BAIAP3: variants seen among roughly 807,000 people sequenced by gnomAD.
BAIAP3 encodes the protein BAI1-associated protein 3.
BAIAP3 carries 180 observed loss-of-function variants against 149.7 expected under a neutral mutation model. The observed-to-expected ratio is 1.20, with a 90% CI of 1.07 to 1.36. BAIAP3 has a LOEUF of 1.36. BAIAP3 is among the 40% of genes most tolerant of loss of function. The pLI is 0.00. For synonymous variants in BAIAP3, 845 were observed against 670.7 expected (o/e 1.26, Z -4.02); for missense variants, 1,767 against 1,563.4 (o/e 1.13, Z -2.20).
chr16:1,339,721 GCA>G (rs1165601030), intron 5 of BAIAP3, 118 bp downstream of exon 5: 4 of 837,162 alleles, frequency 4.8e-6, no homozygotes, highest in South Asian at 1.6e-5. Context: ...TCCGTGCACA[GCA>G]CACAGAGACG....
At chr16:1,340,527 GAC>G (rs1363741246) in intron 5 of BAIAP3, among the ~76,000 whole-genome samples, 4 of 125,838 alleles carry the variant, frequency 3.2e-5, no homozygotes, top group Non-Finnish European at 5.1e-5. Context: ...GGTGCACACA[GAC>G]ACGCACACAC....
Position 1,348,366 on chromosome 16 carries a change from G to A in BAIAP3, c.3356-13G>A, listed in dbSNP as rs757344077. 41 of 1,611,142 alleles carry A rather than the reference G, an allele frequency of 2.5e-5. No individual in the cohort carries two copies. Among genetic ancestry groups the A allele is most frequent in the East Asian group, 8.9e-5 (4 of 44,824 alleles). On this transcript the variant is annotated splice_polypyrimidine_tract_variant and intron_variant, in intron 33 of 33. Transcript: ENST00000426824. ...GACCCCGGCCCCCACACACCTGCCCGCGCTGCTTGCAGTGAGATCTGCGCT... is the reference window on the plus strand; with the variant it reads ...GACCCCGGCCCCCACACACCTGCCCACGCTGCTTGCAGTGAGATCTGCGCT...
At chr16:1,339,092 C>T in intron 3 of BAIAP3, 72 bp from the exon 4 acceptor site, 2 of 1,589,956 alleles carry the variant, frequency 1.3e-6, no homozygotes, top group Non-Finnish European at 8.6e-7. Context: ...CCTGGGGCAC[C>T]ACCTGTCTTC....
intron 1 of BAIAP3, chr16:1,334,904 T>A: frequency 1.3e-6 from 1 of 751,622 alleles, no homozygotes; most frequent in Non-Finnish European, 2.2e-6. Flanking sequence ...TCCTGCCACC[T>A]CCCGCCCCAG....
chr16:1,335,958 C>A (rs982056892), intron 1 of BAIAP3, among the ~76,000 whole-genome samples: 1 of 152,210 alleles, frequency 6.6e-6, no homozygotes, highest in Non-Finnish European at 1.5e-5. Flanking sequence ...GCACCCCTCT[C>A]GGGCCGCTCT....
chr16:1,339,803 G>A (rs57302381), intron 5 of BAIAP3, among the ~76,000 whole-genome samples, 200 bp downstream of exon 5: 1 of 142,456 alleles, frequency 7.0e-6, no homozygotes, highest in South Asian at 2.2e-4. Flanking sequence ...CAGGCTGCAG[G>A]TGCACACAGA....
rs11642118 is a variant in BAIAP3, at chr16:1,338,617, G to A, written c.68G>A (p.Arg23His). The A allele has an allele frequency of 0.018, 28,575 of 1,601,456 alleles. 312 individuals carry two copies. Among genetic ancestry groups the A allele is most frequent in the Non-Finnish European group, 0.021 (24,337 of 1,175,204 alleles). The change falls in exon 2 of 34, where the codon CGC becomes CAC. Residue 23 changes from arginine (R) to histidine (H), a missense_variant. Arg to His is a conservative substitution (Grantham distance 29). Transcript: ENST00000426824. The part of the protein sequence containing the change: ...RQVQVCPSFR[R>H]RTEQDPGSAS... ...GTGCAGGTGTGCCCGTCCTTCCGCCGCAGGACTGAGCAGGACCCAGGGAGT... is the reference window on the plus strand; with the variant it reads ...GTGCAGGTGTGCCCGTCCTTCCGCCACAGGACTGAGCAGGACCCAGGGAGT...
Position 1,344,625 on chromosome 16 carries a change from C to G in BAIAP3, c.1684C>G (p.Leu562Val), listed in dbSNP as rs781117833. ...GCCAGGACCACAGCGCCTGCCTGGG[C>G]TGGTTGTGCTGGCTGACGCCGTCTA... ...EQPGPQRLPGLVVLADAVYDD... is the reference protein window; with the variant it reads ...EQPGPQRLPGVVVLADAVYDD... Residue 562 changes from leucine to valine, a missense_variant, in exon 19 of 34, where the codon CTG becomes GTG. Transcript: ENST00000426824. 2 of 1,613,368 alleles carry G rather than the reference C, an allele frequency of 1.2e-6. No homozygotes were observed. Among genetic ancestry groups the G allele is most frequent in the Non-Finnish European group, 1.7e-6 (2 of 1,180,036 alleles).
Position 1,346,742 on chromosome 16 carries a change from G to A in BAIAP3, c.2642+58G>A. The A allele has an allele frequency of 2.6e-6, 4 of 1,531,408 alleles. No homozygotes were observed. In the South Asian group the frequency reaches 4.8e-5, roughly 18 times the overall value. The allele number at this position is 1,531,408 out of a possible 1,614,324, so 94.9% of individuals were successfully genotyped here. A position where few individuals can be genotyped will look rare whatever the true frequency, so the allele number is the denominator to read the frequency against. Reference sequence around the variant, plus strand: ...GGCCCGTGGTCACTGAGGCCGCCCTGCAGGGTGCCGGAGGCCCTGTGGGAG... The same window carrying A: ...GGCCCGTGGTCACTGAGGCCGCCCTACAGGGTGCCGGAGGCCCTGTGGGAG... On this transcript the variant is annotated intron_variant, in intron 27 of 33. Transcript: ENST00000426824.
At chr16:1,339,276 G>A (rs1195661073) in intron 4 of BAIAP3, 32 bp downstream of exon 4, 39 of 1,547,812 alleles carry the variant, frequency 2.5e-5, no homozygotes, top group Admixed American at 3.9e-5. Flanking sequence ...AGGGGCAGTC[G>A]TCTGCAGCGG....
chr16:1,347,760 T>TGAGCAGCGGCTGGCCGTGGAGGTGCTGC lies in BAIAP3; in HGVS notation c.2965_2992dup (p.His998ArgfsTer24). On this transcript the variant is annotated frameshift_variant, in exon 31 of 34. Coordinates refer to ENST00000426824, the MANE Select transcript of BAIAP3 (RefSeq NM_001199097.2). LOFTEE classifies it high-confidence loss of function. ...GCGTCCGTTGCCATTACGAGGCGGC[T>TGAGCAGCGGCTGGCCGTGGAGGTGCTGC]GAGCAGCGGCTGGCCGTGGAGGTGC... 6.2e-7 allele frequency: 1 copy of TGAGCAGCGGCTGGCCGTGGAGGTGCTGC among 1,609,706 alleles called. No homozygotes were observed. Among genetic ancestry groups the TGAGCAGCGGCTGGCCGTGGAGGTGCTGC allele is most frequent in the South Asian group, 1.1e-5 (1 of 90,974 alleles).
At position 1,347,954 on chromosome 16, in the gene BAIAP3, G is replaced by A. The variant is rs148005520; in HGVS notation, c.3086G>A (p.Arg1029His). 5.9e-5 allele frequency: 95 copies of A among 1,611,840 alleles called. No homozygotes were observed. The highest frequency in any genetic ancestry group is 1.2e-4 in the Admixed American group (7 of 60,018). Residue 1029 changes from arginine (R) to histidine (H), a missense_variant, in exon 32 of 34, where the codon CGC becomes CAC. Transcript: ENST00000426824. ...LGPPHLFPLV[R>H]SQRTQVKTRT... Reference sequence around the variant, plus strand: ...CCACCGCATCTCTTTCCACTGGTCCGCAGCCAGAGGACCCAGGTGAAGACC... The same window carrying A: ...CCACCGCATCTCTTTCCACTGGTCCACAGCCAGAGGACCCAGGTGAAGACC...
chr16:1,349,272 C>G lies in BAIAP3; in HGVS notation c.*790C>G. 1 of 774,418 alleles carries G rather than the reference C, an allele frequency of 1.3e-6. No homozygotes were observed. 48.0% of individuals were successfully genotyped at this position (774,418 alleles called of 1,614,324 possible). On this transcript the variant is annotated 3_prime_UTR_variant, in exon 34 of 34. Coordinates refer to ENST00000426824, the MANE Select transcript of BAIAP3 (RefSeq NM_001199097.2). ...CCTGCAGCTTCATTTGCGAGAGCGCCGAGGCAGGACACAGAGCACAGCTGT... is the reference window on the plus strand; with the variant it reads ...CCTGCAGCTTCATTTGCGAGAGCGCGGAGGCAGGACACAGAGCACAGCTGT...
In BAIAP3 at chr16:1,344,970, T is replaced by C. The variant is rs1372176526; in HGVS notation, c.1811T>C (p.Val604Ala). The part of the protein sequence containing the change: ...TLTFRQLERL[V>A]AEEAWVLTEE... The stretch of plus-strand genomic sequence containing the variant: ...GCCTGATCCTGCTGTCCCGGACAGG[T>C]GGCTGAGGAGGCGTGGGTGCTGACG... Residue 604 changes from valine (V) to alanine (A), a missense_variant and splice_region_variant, in exon 21 of 34, where the codon GTG (valine) becomes GCG (alanine). Val to Ala is a moderately conservative substitution (Grantham distance 64, BLOSUM62 0). Transcript: ENST00000426824. The C allele has an allele frequency of 6.2e-7, 1 of 1,613,108 alleles. No individual in the cohort carries two copies. The highest frequency in any genetic ancestry group is 2.2e-5 in the East Asian group (1 of 44,872).
At chr16:1,343,072 G>T in intron 14 of BAIAP3, 56 bp downstream of exon 14, 4 of 1,508,834 alleles carry the variant, frequency 2.7e-6, no homozygotes, top group Non-Finnish European at 3.6e-6. Context: ...GAGCGAGTGG[G>T]GCATCGGGGG....
At chr16:1,334,819 C>A in intron 1 of BAIAP3, 1 of 1,435,568 alleles carries the variant, frequency 7.0e-7, no homozygotes, top group Non-Finnish European at 9.6e-7. Context: ...AGTCGGGGGG[C>A]TGAGGGAGGA....
Position 1,340,919 on chromosome 16 carries a change from C to T in BAIAP3, c.409-3C>T, listed in dbSNP as rs1226258337. 2 of 1,568,858 alleles carry T rather than the reference C, an allele frequency of 1.3e-6. No homozygotes were observed. Among genetic ancestry groups the T allele is most frequent in the Non-Finnish European group, 8.6e-7 (1 of 1,157,206 alleles). ...GCCCTGCCAACCCAGCCACCCTCCA[C>T]AGGTGTTTGGCACCAGCCTTGAGGA... On this transcript the variant is annotated splice_region_variant and splice_polypyrimidine_tract_variant and intron_variant, in intron 5 of 33. Transcript: ENST00000426824.
In BAIAP3 at chr16:1,348,549, T is replaced by C; in HGVS notation, c.*67T>C. The C allele has an allele frequency of 4.7e-6, 7 of 1,478,048 alleles. No homozygotes were observed. The highest frequency in any genetic ancestry group is 6.5e-6 in the Non-Finnish European group (7 of 1,082,942). The allele number at this position is 1,478,048 out of a possible 1,614,324, so 91.6% of individuals were successfully genotyped here. ...TTCCCTGAAGCATCCTCCAGCTCAC[T>C]GTGGCCAGCTTTGTGCAACCAGGGC... is the stretch of plus-strand genomic sequence containing the variant. On this transcript the variant is annotated 3_prime_UTR_variant, in exon 34 of 34. Transcript: ENST00000426824.
Position 1,338,533 on chromosome 16 carries a change from G to A in BAIAP3, c.-10-7G>A. 2 of 1,599,954 alleles carry A rather than the reference G, an allele frequency of 1.3e-6. No individual in the cohort carries two copies. The highest frequency in any genetic ancestry group is 1.7e-6 in the Non-Finnish European group (2 of 1,177,084). On this transcript the variant is annotated splice_polypyrimidine_tract_variant and splice_region_variant and intron_variant, in intron 1 of 33. Transcript: ENST00000426824. ...CCTGAGGCTGCGGGCTGTGCTCTCT[G>A]CTGTAGGTCACCCGCCATGTCGACC...
Sources: allele counts gnomAD v4.1 joint callset (sites outside exome capture counted in the v4.1 genomes callset), GRCh38; gene constraint gnomAD v4.1.1; transcripts MANE v1.5; gene names NCBI Gene and HGNC (gene_info 2026-07-23, HGNC 2026-07-21).